Variants in NEFM observed in about 807,000 individuals in gnomAD.
NEFM encodes neurofilament medium chain.
A neutral mutation model predicts 48.1 loss-of-function variants in NEFM; 16 were observed. The ratio of observed to expected loss-of-function variants is 0.33; its 90% CI spans 0.23 to 0.51. The LOEUF (loss-of-function observed/expected upper bound fraction) is 0.51, where lower values mean the gene tolerates loss of function less well. NEFM is among the 20% of genes least tolerant of loss of function. The pLI, the probability that NEFM is intolerant of heterozygous loss-of-function variation, is 0.98. For synonymous variants in NEFM, 465 were observed against 456.9 expected, an observed-to-expected ratio of 1.02 and a Z score of -0.23; for missense variants, 1,107 against 1,136.0, an observed-to-expected ratio of 0.97 and a Z score of 0.37.
rs751034774 is a variant in NEFM, at chr8:24,918,214, G to T, written c.2359G>T (p.Gly787Trp). ...AGGEGGSEEE[G>W]SDKGAKGSRK... Reference sequence around the variant, plus strand: ...AGGAGAGGGAGGAAGTGAGGAGGAAGGGAGTGATAAAGGTGCCAAGGGATC... The same window carrying T: ...AGGAGAGGGAGGAAGTGAGGAGGAATGGAGTGATAAAGGTGCCAAGGGATC... The change falls in exon 3 of 3, where the codon GGG becomes TGG. Residue 787 changes from glycine (G) to tryptophan (W), a missense_variant. Physicochemically the swap from Gly to Trp is radical, Grantham distance 184. Around this residue, in one of 3 missense-constraint regions of NEFM, gnomAD observed 917 missense variants for 916.4 expected, o/e 1.00. Transcript: ENST00000221166. 6.4e-7 allele frequency: 1 copy of T among 1,555,180 alleles called. No individual in the cohort carries two copies. The highest frequency in any genetic ancestry group is 2.0e-5 in the Admixed American group (1 of 51,076).
chr8:24,916,892 T>A (rs1802581748), intron 2 of NEFM, among the ~76,000 whole-genome samples, 169 bp from the exon 3 acceptor site: 1 of 152,168 alleles, frequency 6.6e-6, no homozygotes, highest in Admixed American at 6.5e-5. Flanking sequence ...CTGAGTATAA[T>A]GTAATATGCC....
Position 24,918,114 on chromosome 8 carries a change from A to C in NEFM, c.2259A>C (p.Val753=). 1.3e-6 allele frequency: 2 copies of C among 1,551,876 alleles called. No homozygotes were observed. Among genetic ancestry groups the C allele is most frequent in the Non-Finnish European group, 1.7e-6 (2 of 1,147,082 alleles). The change falls in exon 3 of 3, where the codon GTA becomes GTC. Residue 753 remains valine, a synonymous_variant. Transcript: ENST00000221166. ...AGGTGGTCACCATCACCAAATCGGT[A>C]AAGGTGCACTTGGAGAAAGAGACCA... ...VAEVVTITKS[V]KVHLEKETKE...
chr8:24,915,856 C>T, intron 2 of NEFM, 127 bp downstream of exon 2: 1 of 1,227,888 alleles, frequency 8.1e-7, no homozygotes, highest in South Asian at 1.3e-5. Flanking sequence ...GGTTATCTTG[C>T]TTACTTAAAA....
rs1293804033 is a variant in NEFM at position 24,918,158 on chromosome 8, T to A, written c.2303T>A (p.Leu768Gln). 6.4e-7 allele frequency: 1 copy of A among 1,551,382 alleles called. No homozygotes were observed. Among genetic ancestry groups the A allele is most frequent in the South Asian group, 1.2e-5 (1 of 84,060 alleles). Residue 768 changes from leucine (L) to glutamine (Q), a missense_variant, in exon 3 of 3, where the codon CTG becomes CAG. Transcript: ENST00000221166. ...GAGACCAAAGAAGAGGGGAAGCCAC[T>A]GCAGCAGGAGAAAGAGAAGGAGAAA... ...EKETKEEGKP[L>Q]QQEKEKEKAG...
chr8:24,915,663 A>G lies in NEFM; in HGVS notation c.1139A>G (p.His380Arg), dbSNP rs887499286. Reference sequence around the variant, plus strand: ...GGCACAAAGTGGGAAATGGCTCGTCATTTGCGCGAATACCAGGACCTCCTC... The same window carrying G: ...GGCACAAAGTGGGAAATGGCTCGTCGTTTGCGCGAATACCAGGACCTCCTC... The part of the protein sequence containing the change: ...LRGTKWEMAR[H>R]LREYQDLLNV... The change falls in exon 2 of 3, where the codon CAT becomes CGT. Residue 380 changes from histidine to arginine, a missense_variant. Physicochemically the swap from His to Arg is conservative, Grantham distance 29 (BLOSUM62 0). Coordinates refer to ENST00000221166, the MANE Select transcript of NEFM (RefSeq NM_005382.2). 10 of 1,614,022 alleles carry G rather than the reference A, an allele frequency of 6.2e-6. No homozygotes were observed. Among genetic ancestry groups the G allele is most frequent in the Non-Finnish European group, 8.5e-6 (10 of 1,180,002 alleles).
Position 24,914,585 on chromosome 8 carries a change from A to G in NEFM, c.792A>G (p.Thr264=), listed in dbSNP as rs757358111. The change falls in exon 1 of 3, where the codon ACA becomes ACG. Residue 264 remains threonine (T), a synonymous_variant. Coordinates refer to ENST00000221166, the MANE Select transcript of NEFM (RefSeq NM_005382.2). ...TGGAGCGCAAAGACTACCTGAAGAC[A>G]GACATCTCGACGGCGCTGAAGGAAA... ...ITVERKDYLK[T]DISTALKEIR... is the part of the protein sequence containing the mutation. 8 of 1,614,066 alleles carry G rather than the reference A, an allele frequency of 5.0e-6. No homozygotes were observed. The highest frequency in any genetic ancestry group is 3.3e-5 in the South Asian group (3 of 91,078).
chr8:24,916,585 A>T (rs1802576332), intron 2 of NEFM, among the ~76,000 whole-genome samples: 1 of 152,258 alleles, frequency 6.6e-6, no homozygotes, highest in African/African-American at 2.4e-5. Flanking sequence ...TTATCAACAA[A>T]TTTATAACTC....
In NEFM at chr8:24,914,379, C is replaced by A. The variant is rs953718661; in HGVS notation, c.586C>A (p.Arg196Ser). 1.2e-6 allele frequency: 2 copies of A among 1,613,544 alleles called. No homozygotes were observed. Among genetic ancestry groups the A allele is most frequent in the Non-Finnish European group, 1.7e-6 (2 of 1,179,962 alleles). The change falls in exon 1 of 3, where the codon CGC becomes AGC. Residue 196 changes from arginine to serine, a missense_variant. Physicochemically the swap from Arg to Ser is moderately radical, Grantham distance 110. Around this residue, in one of 3 missense-constraint regions of NEFM, gnomAD observed 917 missense variants for 916.4 expected, o/e 1.00. Transcript: ENST00000221166. ...KERFEEEARLRDDTEAAIRAL... is the reference protein window; with the variant it reads ...KERFEEEARLSDDTEAAIRAL... The stretch of plus-strand genomic sequence containing the variant: ...GCGCTTTGAGGAGGAGGCGCGGTTG[C>A]GCGACGACACTGAGGCGGCCATCCG...
Position 24,917,503 on chromosome 8 carries a change from G to A in NEFM, c.1648G>A (p.Glu550Lys). The change falls in exon 3 of 3, where the codon GAG (glutamate) becomes AAG (lysine). Residue 550 changes from glutamate (E) to lysine (K), a missense_variant. Around this residue, in one of 3 missense-constraint regions of NEFM, gnomAD observed 917 missense variants for 916.4 expected, o/e 1.00. Transcript: ENST00000221166. ...DEGAKSDQAE[E>K]GGSEKEGSSE... ...GGGAGCTAAGTCAGACCAAGCCGAA[G>A]AGGGAGGATCCGAGAAGGAAGGCTC... The A allele has an allele frequency of 6.4e-7, 1 of 1,555,298 alleles. No homozygotes were observed. Among genetic ancestry groups the A allele is most frequent in the Non-Finnish European group, 8.7e-7 (1 of 1,148,944 alleles).
At chr8:24,915,142 C>A in intron 1 of NEFM, 1 of 1,347,736 alleles carries the variant, frequency 7.4e-7, no homozygotes, top group Non-Finnish European at 9.5e-7. Context: ...TGCACGCTTG[C>A]ACGTTTAAAG....
At chr8:24,915,323 T>C in intron 1 of NEFM, 1 of 1,271,308 alleles carries the variant, frequency 7.9e-7, no homozygotes, top group Non-Finnish European at 1.0e-6. Context: ...TCCCCATGCA[T>C]GTTTGTGTCC....
At chr8:24,916,613 A>G (rs1196288792) in intron 2 of NEFM, among the ~76,000 whole-genome samples, 2 of 152,242 alleles carry the variant, frequency 1.3e-5, no homozygotes, top group African/African-American at 4.8e-5. Flanking sequence ...CTGAAAATCT[A>G]AACGTTTAAG....
Position 24,917,567 on chromosome 8 carries a change from C to A in NEFM, c.1712C>A (p.Thr571Lys). Reference protein sequence around the residue: ...KEEGEQEEGETEAEAEGEEAE... With the variant: ...KEEGEQEEGEKEAEAEGEEAE... ...GAAGGTGAGCAGGAAGAAGGAGAAA[C>A]AGAAGCTGAAGCTGAAGGAGAGGAA... Residue 571 changes from threonine (T) to lysine (K), a missense_variant, in exon 3 of 3, where the codon ACA becomes AAA. This residue lies in a region of NEFM where 917 missense variants were observed against 916.4 expected (regional missense o/e 1.00). Transcript: ENST00000221166. 1 of 1,580,454 alleles carries A rather than the reference C, an allele frequency of 6.3e-7. No individual in the cohort carries two copies. Among genetic ancestry groups the A allele is most frequent in the Non-Finnish European group, 8.6e-7 (1 of 1,162,762 alleles).
Position 24,914,507 on chromosome 8 carries a change from CGAG to C in NEFM, c.722_724del (p.Glu241del). 6.2e-7 allele frequency: 1 copy of C among 1,614,064 alleles called. No homozygotes were observed. The highest frequency in any genetic ancestry group is 8.5e-7 in the Non-Finnish European group (1 of 1,180,044). The stretch of plus-strand genomic sequence containing the variant: ...AGGTGGCCTTCCTGCGGAGCAACCA[CGAG>C]GAGGAGGTGGCCGACCTTCTGGCCC... On this transcript the variant is annotated inframe_deletion, in exon 1 of 3. Coordinates refer to ENST00000221166, the MANE Select transcript of NEFM (RefSeq NM_005382.2).
At position 24,916,935 on chromosome 8, in the gene NEFM, T is replaced by C. The variant is rs958866865; in HGVS notation, c.1206-126T>C. 1.4e-5 allele frequency: 12 copies of C among 829,488 alleles called. No homozygotes were observed. The African/African-American group carries it at 1.7e-4, about 12-fold the overall frequency. 51.4% of individuals were successfully genotyped at this position (829,488 alleles called of 1,614,324 possible). A position where few individuals can be genotyped will look rare whatever the true frequency, so the allele number is the denominator to read the frequency against. ...GATAGCAGGTATTATAGTGAATTCA[T>C]AGAATATTCTACTTATGTAATTCTA... On this transcript the variant is annotated intron_variant, in intron 2 of 2. Coordinates refer to ENST00000221166, the MANE Select transcript of NEFM (RefSeq NM_005382.2).
chr8:24,915,582 G>C, intron 1 of NEFM, 23 bp from the exon 2 acceptor site: 3 of 1,614,024 alleles, frequency 1.9e-6, no homozygotes. Context: ...TGAGTCTGGG[G>C]AGATTCTCTG....
At chr8:24,914,994 G>A in intron 1 of NEFM, 121 bp downstream of exon 1, 2 of 1,415,880 alleles carry the variant, frequency 1.4e-6, no homozygotes, top group Non-Finnish European at 1.8e-6. Context: ...GCTAGAGCAC[G>A]CGCGCCGCAG....
At position 24,917,082 on chromosome 8, in the gene NEFM, G is replaced by A. The variant is rs1303155852; in HGVS notation, c.1227G>A (p.Glu409=). 1 of 1,614,182 alleles carries A rather than the reference G, an allele frequency of 6.2e-7. No individual in the cohort carries two copies. Among genetic ancestry groups the A allele is most frequent in the Non-Finnish European group, 8.5e-7 (1 of 1,180,028 alleles). The change falls in exon 3 of 3, where the codon GAG becomes GAA. Residue 409 remains glutamate, a synonymous_variant. Transcript: ENST00000221166. ...AAYRKLLEGE[E]TRFSTFAGSI... is the part of the protein sequence containing the mutation. ...TTAGAAAACTCCTGGAGGGTGAAGA[G>A]ACTAGATTTAGCACATTTGCAGGAA...
At position 24,914,214 on chromosome 8, in the gene NEFM, G is replaced by T. The variant is rs1802537203; in HGVS notation, c.421G>T (p.Ala141Ser). The T allele has an allele frequency of 6.2e-7, 1 of 1,610,586 alleles. No homozygotes were observed. The highest frequency in any genetic ancestry group is 8.5e-7 in the Non-Finnish European group (1 of 1,178,700). The part of the protein sequence containing the change: ...AEIQALRQKQ[A>S]SHAQLGDAYD... ...GATCCAGGCGCTGCGGCAGAAGCAGGCCTCGCACGCCCAGCTGGGCGACGC... is the reference window on the plus strand; with the variant it reads ...GATCCAGGCGCTGCGGCAGAAGCAGTCCTCGCACGCCCAGCTGGGCGACGC... The change falls in exon 1 of 3, where the codon GCC becomes TCC. Residue 141 changes from alanine (A) to serine (S), a missense_variant. By Grantham distance (99) the Ala-to-Ser change is moderately conservative. This residue lies in a region of NEFM where 186 missense variants were observed against 200.6 expected (regional missense o/e 0.93). Transcript: ENST00000221166.
Sources: gnomAD v4.1 joint callset for allele counts (sites outside exome capture counted in the v4.1 genomes callset) on GRCh38, gnomAD v4.1.1 for gene constraint, gnomAD v4.1.1 regional missense constraint, MANE v1.5 for transcripts, NCBI Gene and HGNC (gene_info 2026-07-23, HGNC 2026-07-21) for gene names.